TIAM1: variants seen among roughly 807,000 people sequenced by gnomAD.
TIAM1 encodes TIAM Rac1 associated GEF 1.
A neutral mutation model predicts 163.5 loss-of-function variants in TIAM1; 65 were observed. The ratio of observed to expected loss-of-function variants is 0.40; its 90% CI spans 0.33 to 0.49. TIAM1 has a LOEUF of 0.49. Ranked by LOEUF, TIAM1 falls within the 20% of genes least tolerant of loss-of-function variation. The probability of loss-of-function intolerance (pLI) is 0.77; values close to 1 mark genes in which losing one functional copy is unlikely to be tolerated. For missense variants in TIAM1, 1,789 were observed against 2,044.7 expected (o/e 0.87, Z 2.41); for synonymous variants, 833 against 810.1 (o/e 1.03, Z -0.48).
At chr21:31,453,818 A>AC (rs1295833123) in intron 2 of TIAM1, among the ~76,000 whole-genome samples, 1 of 150,028 alleles carries the variant, frequency 6.7e-6, no homozygotes, top group African/African-American at 2.5e-5. Context: ...AGAGGGGGGA[A>AC]ATAATTGTGC....
intron 2 of TIAM1, among the ~76,000 whole-genome samples, chr21:31,446,525 G>A (rs947128762): frequency 6.6e-6 from 1 of 152,184 alleles, no homozygotes; most frequent in Non-Finnish European, 1.5e-5. Flanking sequence ...ATGGTGGACT[G>A]CAAGGTCAGT....
At chr21:31,307,469 T>G (rs2074758687) in intron 2 of TIAM1, among the ~76,000 whole-genome samples, 1 of 152,192 alleles carries the variant, frequency 6.6e-6, no homozygotes, top group Admixed American at 6.5e-5. Context: ...GGAATCCTTG[T>G]CAGGTCTTCT....
rs769203437 is a variant in TIAM1 at position 31,120,311 on chromosome 21, G to A, written c.*57C>T. The A allele has an allele frequency of 1.1e-5, 17 of 1,498,576 alleles. No individual in the cohort carries two copies. The highest frequency in any genetic ancestry group is 1.5e-5 in the Non-Finnish European group (17 of 1,108,858). 92.8% of individuals were successfully genotyped at this position (1,498,576 alleles called of 1,614,324 possible). A position where few individuals can be genotyped will look rare whatever the true frequency, so the allele number is the denominator to read the frequency against. On this transcript the variant is annotated 3_prime_UTR_variant, in exon 28 of 28. Coordinates refer to ENST00000541036, the MANE Select transcript of TIAM1 (RefSeq NM_001353694.2). The surrounding 1 kb of genome is among the most constrained non-coding windows in gnomAD (Gnocchi z 4.2). ...ATTCTTGTCGACGGTACAGGAGGGT[G>A]GGCAGAGTTAGGGCAGGAAGTATCT...
chr21:31,217,705 G>T lies in TIAM1; in HGVS notation c.1996-6C>A. ...TCACCAGTGCGTGCTGCCACCTGAG[G>T]ATGGCAAGGACAAGCAGCCACAAGG... On this transcript the variant is annotated splice_region_variant and splice_polypyrimidine_tract_variant and intron_variant, in intron 8 of 27. Coordinates refer to ENST00000541036, the MANE Select transcript of TIAM1 (RefSeq NM_001353694.2). 6.2e-7 allele frequency: 1 copy of T among 1,612,542 alleles called. No homozygotes were observed. Among genetic ancestry groups the T allele is most frequent in the Non-Finnish European group, 8.5e-7 (1 of 1,179,194 alleles).
At chr21:31,265,850 AAG>A (rs1250492459) in intron 4 of TIAM1, among the ~76,000 whole-genome samples, 158 bp downstream of exon 4, 7 of 152,200 alleles carry the variant, frequency 4.6e-5, no homozygotes, top group African/African-American at 1.7e-4. Flanking sequence ...GGCAAAGCAG[AAG>A]AGAGAGAAAT....
intron 8 of TIAM1, among the ~76,000 whole-genome samples, chr21:31,220,699 A>T (rs2087507822): frequency 6.6e-6 from 1 of 152,216 alleles, no homozygotes; most frequent in South Asian, 2.1e-4. Context: ...TGCAAAAGTA[A>T]CCACTATCCC....
In TIAM1 at chr21:31,266,767, GC is replaced by G. The variant is rs1425519126; in HGVS notation, c.205del (p.Ala69LeufsTer14). On this transcript the variant is annotated frameshift_variant, in exon 4 of 28. Coordinates refer to ENST00000541036, the MANE Select transcript of TIAM1 (RefSeq NM_001353694.2). LOFTEE classifies it high-confidence loss of function. ...SSTPSIPQSL[A>X]ENGLEPFSQD... ...GGAGAAGGGCTCCAGGCCATTTTCA[GC>G]CAGGGACTGGGGGATGCTGGGGGTG... is the stretch of plus-strand genomic sequence containing the variant. The G allele has an allele frequency of 1.2e-6, 2 of 1,614,240 alleles. No homozygotes were observed. Among genetic ancestry groups the G allele is most frequent in the Admixed American group, 3.3e-5 (2 of 60,024 alleles).
chr21:31,269,579 C>T (rs1018953287), intron 3 of TIAM1, among the ~76,000 whole-genome samples: 6 of 152,054 alleles, frequency 3.9e-5, no homozygotes, highest in Non-Finnish European at 7.4e-5. Context: ...GTTGAAATTG[C>T]TCATTGCATA....
intron 2 of TIAM1, among the ~76,000 whole-genome samples, chr21:31,419,731 G>C (rs1359040402): frequency 6.6e-6 from 1 of 152,122 alleles, no homozygotes; most frequent in Non-Finnish European, 1.5e-5. Flanking sequence ...AAAATGATGA[G>C]CAAAAAGAAG....
intron 14 of TIAM1, among the ~76,000 whole-genome samples, chr21:31,184,921 T>C (rs1445153181): frequency 6.6e-6 from 1 of 152,192 alleles, no homozygotes; most frequent in Non-Finnish European, 1.5e-5. Flanking sequence ...GGTTGTGCTT[T>C]TCCAGTGTTT....
intron 1 of TIAM1, among the ~76,000 whole-genome samples, chr21:31,557,119 GAAGAAGA>G (rs2048906934): frequency 2.0e-5 from 3 of 152,170 alleles, no homozygotes. Flanking sequence ...GCAGAATCTT[GAAGAAGA>G]AAGAAGAAAC....
chr21:31,462,220 G>C (rs755815505), intron 2 of TIAM1, among the ~76,000 whole-genome samples: 28 of 152,126 alleles, frequency 1.8e-4, no homozygotes, highest in Admixed American at 1.8e-3. Context: ...ACAAGAAAGC[G>C]CAGCTATAAA....
intron 1 of TIAM1, among the ~76,000 whole-genome samples, chr21:31,468,558 C>T (rs962067849): frequency 1.3e-5 from 2 of 151,650 alleles, no homozygotes; most frequent in African/African-American, 2.4e-5. Context: ...GGGCGGATCA[C>T]GAGGTCAGGA....
At position 31,141,494 on chromosome 21, in the gene TIAM1, G is replaced by A. The variant is rs1197379718; in HGVS notation, c.3486C>T (p.Asp1162=). The part of the protein sequence containing the change: ...VPKVLVKAKT[D]TAFKAFLDAQ... Reference sequence around the variant, plus strand: ...CATCCAAGAATGCCTTGAAAGCCGTGTCTGTCTTGGCTGGCAGGGTTTAAA... The same window carrying A: ...CATCCAAGAATGCCTTGAAAGCCGTATCTGTCTTGGCTGGCAGGGTTTAAA... Residue 1162 remains aspartate, a synonymous_variant, in exon 21 of 28, where the codon GAC becomes GAT. Transcript: ENST00000541036. The surrounding 1 kb of genome is among the most constrained non-coding windows in gnomAD (Gnocchi z 4.7). 1.9e-6 allele frequency: 3 copies of A among 1,613,986 alleles called. No homozygotes were observed. Among genetic ancestry groups the A allele is most frequent in the East Asian group, 4.5e-5 (2 of 44,876 alleles).
chr21:31,155,547 C>T (rs1425891077), intron 16 of TIAM1, among the ~76,000 whole-genome samples: 1 of 152,120 alleles, frequency 6.6e-6, no homozygotes, highest in Non-Finnish European at 1.5e-5. Flanking sequence ...CTCTGTCACC[C>T]AGGCTGGAGT....
At chr21:31,298,733 A>AC (rs1270294932) in intron 2 of TIAM1, among the ~76,000 whole-genome samples, 3 of 73,676 alleles carry the variant, frequency 4.1e-5, no homozygotes, top group Non-Finnish European at 8.3e-5. Context: ...GATCCAATTG[A>AC]GGGTGTGTGT....
chr21:31,545,189 A>C (rs2048449842), intron 1 of TIAM1, among the ~76,000 whole-genome samples: 1 of 151,468 alleles, frequency 6.6e-6, no homozygotes, highest in Non-Finnish European at 1.5e-5. Flanking sequence ...GGAAACAGAC[A>C]CACAGACACA....
At chr21:31,149,592 C>G (rs1449194336) in intron 19 of TIAM1, among the ~76,000 whole-genome samples, 1 of 152,118 alleles carries the variant, frequency 6.6e-6, no homozygotes, top group East Asian at 1.9e-4. Flanking sequence ...GACCCAAACT[C>G]AAAGAACCAG....
intron 2 of TIAM1, among the ~76,000 whole-genome samples, chr21:31,338,291 A>G (rs574966920): frequency 3.9e-5 from 6 of 152,258 alleles, no homozygotes; most frequent in African/African-American, 1.4e-4. Context: ...ATTCCTCAGG[A>G]AGCACCTGTG....
Sources: allele counts gnomAD v4.1 joint callset (sites outside exome capture counted in the v4.1 genomes callset), GRCh38; gene constraint gnomAD v4.1.1; non-coding constraint Gnocchi (gnomAD v3.1); transcripts MANE v1.5; gene names NCBI Gene and HGNC (gene_info 2026-07-23, HGNC 2026-07-21).